Variants in CDKAL1 observed in about 807,000 individuals in gnomAD.
The protein encoded by CDKAL1 is threonylcarbamoyladenosine tRNA methylthiotransferase.
A neutral mutation model predicts 68.2 loss-of-function variants in CDKAL1; 32 were observed. That is an observed-to-expected ratio of 0.47 (90% CI 0.35 to 0.63). CDKAL1 has a LOEUF of 0.63. Ranked by LOEUF, CDKAL1 falls within the 30% of genes least tolerant of loss-of-function variation. The pLI is 0.00. For synonymous variants in CDKAL1, 234 were observed against 244.3 expected (o/e 0.96, Z 0.39); for missense variants, 606 against 696.7 (o/e 0.87, Z 1.47).
chr6:21,031,532 G>T (rs148361244), intron 11 of CDKAL1, among the ~76,000 whole-genome samples: 4 of 151,926 alleles, frequency 2.6e-5, no homozygotes, highest in Middle Eastern at 6.8e-3. Context: ...CTGGGAGTTC[G>T]GGGACCATCT....
intron 8 of CDKAL1, among the ~76,000 whole-genome samples, chr6:20,831,137 A>G (rs1219488948): frequency 6.6e-6 from 1 of 152,170 alleles, no homozygotes; most frequent in East Asian, 1.9e-4. Flanking sequence ...ACCTTTATTA[A>G]TCAAAATAGG....
intron 10 of CDKAL1, among the ~76,000 whole-genome samples, chr6:20,974,744 C>T (rs75285914): frequency 0.022 from 3,373 of 150,326 alleles, 125 homozygotes; most frequent in African/African-American, 0.077. Context: ...TTTGGGAGTC[C>T]GAGGCTGACA....
rs533559786 is a variant in CDKAL1, at chr6:20,966,977, G to A, written c.909+11392G>A. ...TGTTGTAACAAAGTACCACAAACTG[G>A]GTATTTTGGGAACTCTGAGAGAGAA... On this transcript the variant is annotated intron_variant, in intron 10 of 15. Transcript: ENST00000274695. Among the ~76,000 whole-genome samples, 144 of 152,194 alleles carry A rather than the reference G, an allele frequency of 9.5e-4. 1 individual carries two copies. Among genetic ancestry groups the A allele is most frequent in the African/African-American group, 3.3e-3 (135 of 41,520 alleles).
At chr6:21,189,175 A>C (rs1217746429) in intron 13 of CDKAL1, among the ~76,000 whole-genome samples, 3 of 152,198 alleles carry the variant, frequency 2.0e-5, no homozygotes, top group African/African-American at 7.2e-5. Flanking sequence ...TGTTAGAAGA[A>C]ACTTCATGGT....
rs1561956275 is a variant in CDKAL1 at position 20,600,784 on chromosome 6, A to ATATATATATG, written c.287-48505_287-48504insTATATGTATA. ...TATATATGTATACATATATATATAT[A>ATATATATATG]TATACACACACACACATGAATGATA... On this transcript the variant is annotated intron_variant, in intron 4 of 15. Coordinates refer to ENST00000274695, the MANE Select transcript of CDKAL1 (RefSeq NM_017774.3). Among the ~76,000 whole-genome samples the ATATATATATG allele has an allele frequency of 7.8e-3, 1,153 of 148,140 alleles. 16 individuals carry two copies. The highest frequency in any genetic ancestry group is 0.026 in the African/African-American group (1,044 of 39,990).
At chr6:21,057,005 A>T (rs1254844529) in intron 11 of CDKAL1, among the ~76,000 whole-genome samples, 3 of 152,126 alleles carry the variant, frequency 2.0e-5, no homozygotes, top group African/African-American at 7.2e-5. Context: ...CATCGTTGCC[A>T]GATTTTGGTA....
At chr6:20,825,630 A>G (rs907123133) in intron 8 of CDKAL1, among the ~76,000 whole-genome samples, 2 of 152,168 alleles carry the variant, frequency 1.3e-5, no homozygotes, top group Non-Finnish European at 2.9e-5. Flanking sequence ...CTTTTAAAGT[A>G]TGGTTTGATT....
intron 10 of CDKAL1, among the ~76,000 whole-genome samples, chr6:20,958,039 G>A (rs1258129418): frequency 1.3e-5 from 2 of 149,750 alleles, no homozygotes; most frequent in Non-Finnish European, 3.0e-5. Context: ...CTGTAGTCTT[G>A]AACTTTGAAA....
At chr6:20,664,771 C>G (rs1238842598) in intron 5 of CDKAL1, among the ~76,000 whole-genome samples, 1 of 152,076 alleles carries the variant, frequency 6.6e-6, no homozygotes, top group African/African-American at 2.4e-5. Flanking sequence ...TCTCTTCTAT[C>G]TAGGCTGCAA....
chr6:21,029,509 C>T (rs1769147809), intron 11 of CDKAL1, among the ~76,000 whole-genome samples: 1 of 152,134 alleles, frequency 6.6e-6, no homozygotes, highest in African/African-American at 2.4e-5. Flanking sequence ...AGAACTTCTG[C>T]ACAGCAAAAG....
chr6:20,854,634 T>C (rs1759222049), intron 9 of CDKAL1, among the ~76,000 whole-genome samples: 1 of 152,216 alleles, frequency 6.6e-6, no homozygotes, highest in Non-Finnish European at 1.5e-5. Context: ...TTTGTTACAT[T>C]TGTTCATAAT....
chr6:21,004,920 C>G (rs1472563675), intron 11 of CDKAL1, among the ~76,000 whole-genome samples: 2 of 152,190 alleles, frequency 1.3e-5, no homozygotes, highest in Non-Finnish European at 2.9e-5. Flanking sequence ...TATGATCATG[C>G]TGCTGCACTC....
chr6:21,214,632 C>T (rs761946060), intron 15 of CDKAL1, among the ~76,000 whole-genome samples: 8 of 152,032 alleles, frequency 5.3e-5, no homozygotes, highest in African/African-American at 1.4e-4. Flanking sequence ...CCTGGGCAGT[C>T]GTCTATAAAA....
At chr6:21,003,395 TAC>T (rs1767559555) in intron 11 of CDKAL1, among the ~76,000 whole-genome samples, 1 of 84,646 alleles carries the variant, frequency 1.2e-5, no homozygotes, top group Non-Finnish European at 2.3e-5. Context: ...CACACATATA[TAC>T]ACACATACCT....
intron 12 of CDKAL1, among the ~76,000 whole-genome samples, chr6:21,105,604 CG>C (rs1391462711): frequency 6.6e-6 from 1 of 152,074 alleles, no homozygotes; most frequent in East Asian, 1.9e-4. Flanking sequence ...TAGAGCTAGG[CG>C]GGGGTATGCG....
At chr6:21,135,956 T>C (rs1381296946) in intron 13 of CDKAL1, among the ~76,000 whole-genome samples, 1 of 152,268 alleles carries the variant, frequency 6.6e-6, no homozygotes, top group East Asian at 1.9e-4. Flanking sequence ...CCTTCAAGTA[T>C]ATAAATACCA....
chr6:20,825,111 C>G (rs556639062), intron 8 of CDKAL1, among the ~76,000 whole-genome samples: 4 of 142,408 alleles, frequency 2.8e-5, no homozygotes, highest in Non-Finnish European at 6.3e-5. Flanking sequence ...TTGATTAGTT[C>G]TGCCATCTTT....
intron 4 of CDKAL1, among the ~76,000 whole-genome samples, chr6:20,573,419 T>C (rs1356300235): frequency 1.3e-5 from 2 of 152,068 alleles, no homozygotes; most frequent in Non-Finnish European, 2.9e-5. Context: ...GAGTTTTTTA[T>C]GCTCCAAAAA....
At chr6:20,540,520 A>G (rs1449151561) in intron 2 of CDKAL1, among the ~76,000 whole-genome samples, 2 of 151,388 alleles carry the variant, frequency 1.3e-5, no homozygotes, top group Non-Finnish European at 2.9e-5. Flanking sequence ...CAGTGGTGCA[A>G]TCTCAGCTCA....
Sources: allele counts gnomAD v4.1 joint callset (sites outside exome capture counted in the v4.1 genomes callset), GRCh38; gene constraint gnomAD v4.1.1; transcripts MANE v1.5; gene names NCBI Gene and HGNC (gene_info 2026-07-23, HGNC 2026-07-21).